The following LUZP2 variants were observed in gnomAD, a reference collection of about 807,000 sequenced individuals.
LUZP2 encodes the protein leucine zipper protein 2.
LUZP2 carries 52 observed loss-of-function variants against 51.6 expected under a neutral mutation model. The ratio of observed to expected loss-of-function variants is 1.01; its 90% CI spans 0.81 to 1.27. The LOEUF (loss-of-function observed/expected upper bound fraction) is 1.27. Among genes scored for constraint, LUZP2 ranks in the 50% most tolerant of loss-of-function variants. LUZP2 has a pLI of 0.00. For synonymous variants in LUZP2, 154 were observed against 137.3 expected (o/e 1.12, Z -0.85); for missense variants, 436 against 395.4 (o/e 1.10, Z -0.87).
chr11:24,578,005 AGCT>A (rs1272188466), intron 1 of LUZP2, among the ~76,000 whole-genome samples: 1 of 152,142 alleles, frequency 6.6e-6, no homozygotes. Context: ...TGTTTCTAAG[AGCT>A]CAGCCATCGC....
chr11:24,919,767 G>A (rs1373322448), intron 7 of LUZP2, among the ~76,000 whole-genome samples: 1 of 150,302 alleles, frequency 6.7e-6, no homozygotes, highest in Non-Finnish European at 1.5e-5. Context: ...CTATCAAGTA[G>A]TTCATGAAAA....
intron 7 of LUZP2, among the ~76,000 whole-genome samples, chr11:24,915,828 C>A (rs1246711358): frequency 6.6e-6 from 1 of 151,928 alleles, no homozygotes; most frequent in African/African-American, 2.4e-5. Context: ...ATTACTCTTG[C>A]ACCAACCTAA....
At chr11:24,669,033 A>G (rs375220269) in intron 1 of LUZP2, among the ~76,000 whole-genome samples, 3 of 152,284 alleles carry the variant, frequency 2.0e-5, no homozygotes, top group Non-Finnish European at 2.9e-5. Context: ...CTAGTGAAAT[A>G]AAATCTTACT....
At chr11:25,016,199 C>T (rs374175539) in intron 9 of LUZP2, among the ~76,000 whole-genome samples, 13 of 152,134 alleles carry the variant, frequency 8.5e-5, no homozygotes, top group South Asian at 4.1e-4. Flanking sequence ...GGATTACAAG[C>T]GTGAGCCACC....
chr11:24,621,375 C>T (rs764060576), intron 1 of LUZP2, among the ~76,000 whole-genome samples: 11 of 152,096 alleles, frequency 7.2e-5, no homozygotes, highest in Non-Finnish European at 1.6e-4. Flanking sequence ...GCAGCAATAT[C>T]ACATTGCATT....
chr11:25,071,251 T>G (rs7108047), intron 10 of LUZP2, among the ~76,000 whole-genome samples: 136,459 of 151,832 alleles, frequency 0.9, 62,325 homozygotes, highest in Non-Finnish European at 0.98. Flanking sequence ...TTATTTCACA[T>G]ATATTTATAT....
intron 5 of LUZP2, among the ~76,000 whole-genome samples, chr11:24,850,366 T>C (rs1283161617): frequency 6.6e-6 from 1 of 152,196 alleles, no homozygotes. Context: ...TCCAGCACCA[T>C]TCATTAAGTA....
At chr11:24,792,423 C>G (rs1171390265) in intron 5 of LUZP2, among the ~76,000 whole-genome samples, 1 of 145,164 alleles carries the variant, frequency 6.9e-6, no homozygotes, top group African/African-American at 2.7e-5. Context: ...AAGACTCTGT[C>G]TCAAAAAAAA....
At chr11:24,686,586 G>A (rs1338183604) in intron 1 of LUZP2, among the ~76,000 whole-genome samples, 4 of 152,046 alleles carry the variant, frequency 2.6e-5, no homozygotes, top group Non-Finnish European at 5.9e-5. Context: ...TTGCCACACC[G>A]TTCAATCTCT....
intron 4 of LUZP2, among the ~76,000 whole-genome samples, chr11:24,739,092 GTTCT>G (rs772128764): frequency 7.2e-5 from 11 of 152,102 alleles, no homozygotes; most frequent in Non-Finnish European, 1.6e-4. Flanking sequence ...ATTTCTCACA[GTTCT>G]AGCTGCACAC....
At chr11:24,604,577 G>A (rs1423742230) in intron 1 of LUZP2, among the ~76,000 whole-genome samples, 6 of 151,836 alleles carry the variant, frequency 4.0e-5, no homozygotes, top group Admixed American at 6.6e-5. Context: ...CGGTGGCATA[G>A]ACTAAAAGCA....
In LUZP2 at chr11:24,903,624, A is replaced by G. The variant is rs377371585; in HGVS notation, c.397-2367A>G. On this transcript the variant is annotated intron_variant, in intron 5 of 11. Transcript: ENST00000336930. ...GCGTATAATATGTACTTGTACCAGG[A>G]CACTGTCCACTCCTCTAGAGTCAGT... is the stretch of plus-strand genomic sequence containing the variant. Among the ~76,000 whole-genome samples the G allele has an allele frequency of 3.9e-5, 6 of 152,250 alleles. No individual in the cohort carries two copies. In the South Asian group the frequency reaches 1.2e-3, roughly 32 times the overall value.
At chr11:24,578,431 T>C (rs1285995183) in intron 1 of LUZP2, among the ~76,000 whole-genome samples, 1 of 152,084 alleles carries the variant, frequency 6.6e-6, no homozygotes, top group Non-Finnish European at 1.5e-5. Flanking sequence ...TCCATAGTCA[T>C]TAAGAGGCAA....
At chr11:25,034,617 C>A (rs1371298059) in intron 9 of LUZP2, among the ~76,000 whole-genome samples, 4 of 152,064 alleles carry the variant, frequency 2.6e-5, no homozygotes, top group African/African-American at 9.7e-5. Context: ...AGGTAGGGGT[C>A]CAGCTTCAAT....
intron 9 of LUZP2, among the ~76,000 whole-genome samples, chr11:25,028,077 G>T (rs1349624761): frequency 6.6e-6 from 1 of 151,836 alleles, no homozygotes; most frequent in Non-Finnish European, 1.5e-5. Flanking sequence ...TTTTAATTTG[G>T]GGGTACTAGT....
intron 4 of LUZP2, among the ~76,000 whole-genome samples, chr11:24,738,652 C>A (rs779227348): frequency 6.6e-6 from 1 of 152,080 alleles, no homozygotes; most frequent in East Asian, 1.9e-4. Context: ...ATAGTTAAGT[C>A]GCACCCCACA....
chr11:24,590,948 A>C (rs1853237048), intron 1 of LUZP2, among the ~76,000 whole-genome samples: 1 of 152,116 alleles, frequency 6.6e-6, no homozygotes, highest in Admixed American at 6.6e-5. Context: ...GCTAGCAAAT[A>C]GATTTACAAG....
intron 1 of LUZP2, among the ~76,000 whole-genome samples, chr11:24,515,289 C>A (rs1262136415): frequency 2.0e-5 from 3 of 152,138 alleles, no homozygotes; most frequent in African/African-American, 7.2e-5. Context: ...TCCTCTGTAA[C>A]TTACTCTCTT....
intron 5 of LUZP2, among the ~76,000 whole-genome samples, chr11:24,898,965 A>T (rs1207415709): frequency 6.6e-6 from 1 of 152,170 alleles, no homozygotes; most frequent in Admixed American, 6.5e-5. Flanking sequence ...ATTCTTTTCT[A>T]CCTGTTTAAG....
Sources: gnomAD v4.1 joint callset for allele counts (sites outside exome capture counted in the v4.1 genomes callset) on GRCh38, gnomAD v4.1.1 for gene constraint, MANE v1.5 for transcripts, NCBI Gene and HGNC (gene_info 2026-07-23, HGNC 2026-07-21) for gene names.